ASPRV1: variants seen among roughly 807,000 people sequenced by gnomAD.
The protein encoded by ASPRV1 is retroviral-like aspartic protease 1.
A neutral mutation model predicts 11.0 loss-of-function variants in ASPRV1; 7 were observed. The observed-to-expected ratio is 0.64, with a 90% CI of 0.36 to 1.20. The LOEUF (loss-of-function observed/expected upper bound fraction) is 1.20, where lower values mean the gene tolerates loss of function less well. Ranked by LOEUF, ASPRV1 falls within the 50% of genes most tolerant of loss-of-function variation. ASPRV1 has a pLI of 0.02. For missense variants in ASPRV1, 299 were observed against 320.0 expected (o/e 0.93, Z 0.50); for synonymous variants, 136 against 138.4 (o/e 0.98, Z 0.12).
At chr2:69,953,712 T>C in the ASPRV1 span, among the ~76,000 whole-genome samples, 1 of 152,108 alleles carries the variant, frequency 6.6e-6, no homozygotes, top group African/African-American at 2.4e-5. Context: ...TTTTCTTTTT[T>C]TTCTTTCTTT....
At chr2:69,966,533 C>A (rs572167204), upstream of ASPRV1, among the ~76,000 whole-genome samples, 313 of 152,376 alleles carry the variant, frequency 2.1e-3, 5 homozygotes, top group Admixed American at 8.6e-3. Flanking sequence ...TAACACAGGT[C>A]TCCAGACAGC....
chr2:70,008,730 C>T, the ASPRV1 span, among the ~76,000 whole-genome samples: 1 of 151,816 alleles, frequency 6.6e-6, no homozygotes, highest in South Asian at 2.1e-4. Flanking sequence ...CCAGGGAAGC[C>T]AAAAGACTGG....
Position 69,960,706 on chromosome 2 carries a change from A to G in ASPRV1, c.731T>C (p.Ile244Thr). 1 of 1,614,084 alleles carries G rather than the reference A, an allele frequency of 6.2e-7. No homozygotes were observed. The highest frequency in any genetic ancestry group is 8.5e-7 in the Non-Finnish European group (1 of 1,180,008). ...TTCTTCTGAGGAGGGGTCCTCCTCT[A>G]TGAGCTCCAGGTCAAACTCATCTTC... ...SLEDEFDLEL[I>T]EEDPSSEEGR... The change falls in exon 1 of 1, where the codon ATA (isoleucine) becomes ACA (threonine). Residue 244 changes from isoleucine (I) to threonine (T), a missense_variant. Transcript: ENST00000320256.
At chr2:69,971,637 G>T in the ASPRV1 span, among the ~76,000 whole-genome samples, 2 of 152,206 alleles carry the variant, frequency 1.3e-5, no homozygotes, top group Non-Finnish European at 2.9e-5. Context: ...CAGACAGTGC[G>T]GGGTGCTAAG....
Position 69,961,404 on chromosome 2 carries a change from G to A in ASPRV1, c.33C>T (p.Gly11=). 6.2e-7 allele frequency: 1 copy of A among 1,614,114 alleles called. No individual in the cohort carries two copies. The highest frequency in any genetic ancestry group is 1.1e-5 in the South Asian group (1 of 91,078). The change falls in exon 1 of 1, where the codon GGC becomes GGT. Residue 11 remains glycine, a synonymous_variant. Coordinates refer to ENST00000320256, the MANE Select transcript of ASPRV1 (RefSeq NM_152792.4). ...CCGGGACGAAGGCATGCTGCCGGCG[G>A]CCTTCCTCACTCCTGGCTCCGCTCC... MAGSGARSEE[G]RRQHAFVPEP...
chr2:70,053,186 T>TA, the ASPRV1 span, among the ~76,000 whole-genome samples: 1 of 152,170 alleles, frequency 6.6e-6, no homozygotes. Flanking sequence ...CCAGACATGT[T>TA]AGTTTGATTC....
chr2:70,020,708 C>T, the ASPRV1 span, among the ~76,000 whole-genome samples: 1 of 152,086 alleles, frequency 6.6e-6, no homozygotes, highest in Admixed American at 6.5e-5. Context: ...TGCCATTGCA[C>T]TCCAGCCTGG....
At chr2:70,037,621 A>AT in the ASPRV1 span, among the ~76,000 whole-genome samples, 2 of 148,240 alleles carry the variant, frequency 1.3e-5, no homozygotes, top group African/African-American at 5.1e-5. Flanking sequence ...ACTTTGGCCC[A>AT]TTTTTTTGTG....
At chr2:69,951,072 AC>A in the ASPRV1 span, among the ~76,000 whole-genome samples, 3 of 152,154 alleles carry the variant, frequency 2.0e-5, no homozygotes, top group African/African-American at 7.2e-5. Context: ...GGAAAAATAC[AC>A]CGTGTTTGAC....
the ASPRV1 span, chr2:70,028,304 T>C: frequency 6.6e-6 from 1 of 152,200 alleles, no homozygotes; most frequent in Non-Finnish European, 1.5e-5. Flanking sequence ...TTTCTAGTAT[T>C]ACCCACAATT....
the ASPRV1 span, among the ~76,000 whole-genome samples, chr2:70,032,449 A>C: frequency 6.6e-6 from 1 of 151,862 alleles, no homozygotes; most frequent in South Asian, 2.1e-4. Context: ...TGAGCACCAG[A>C]AGTTCGAGAT....
the ASPRV1 span, among the ~76,000 whole-genome samples, chr2:70,062,926 G>A: frequency 1.3e-5 from 2 of 152,236 alleles, no homozygotes; most frequent in East Asian, 1.9e-4. Flanking sequence ...AGCAGTCTCA[G>A]GGAAATCACT....
chr2:70,023,446 T>C, the ASPRV1 span, among the ~76,000 whole-genome samples: 1 of 152,194 alleles, frequency 6.6e-6, no homozygotes. Flanking sequence ...GGGCACTCTC[T>C]CTCTGCAGTA....
chr2:70,061,156 G>A, the ASPRV1 span, among the ~76,000 whole-genome samples: 1 of 152,054 alleles, frequency 6.6e-6, no homozygotes, highest in Non-Finnish European at 1.5e-5. Flanking sequence ...AGCACTTTGG[G>A]AGGCCGAGGC....
chr2:69,938,062 T>C, the ASPRV1 span: 6 of 1,601,298 alleles, frequency 3.7e-6, no homozygotes, highest in Non-Finnish European at 5.1e-6. Flanking sequence ...GCAGAGCGCT[T>C]TCATCAATGT....
the ASPRV1 span, among the ~76,000 whole-genome samples, chr2:70,074,373 C>G: frequency 6.6e-6 from 1 of 150,848 alleles, no homozygotes; most frequent in African/African-American, 2.4e-5. Context: ...ACTGCAACCT[C>G]TGCCTCCTGG....
At chr2:69,957,925 G>T (rs1677976396), downstream of ASPRV1, among the ~76,000 whole-genome samples, 1 of 152,122 alleles carries the variant, frequency 6.6e-6, no homozygotes, top group Non-Finnish European at 1.5e-5. Context: ...GACTGCCATG[G>T]TGTCCCAGCA....
At chr2:70,029,125 C>A in the ASPRV1 span, among the ~76,000 whole-genome samples, 1 of 152,030 alleles carries the variant, frequency 6.6e-6, no homozygotes, top group African/African-American at 2.4e-5. Flanking sequence ...CATTGTAAGC[C>A]TGCAATTTCT....
chr2:70,063,367 A>G, the ASPRV1 span, among the ~76,000 whole-genome samples: 5 of 152,180 alleles, frequency 3.3e-5, no homozygotes, highest in African/African-American at 7.2e-5. Flanking sequence ...CCTCACTGAC[A>G]GAGTCCCGTA....
Sources: allele counts gnomAD v4.1 joint callset (sites outside exome capture counted in the v4.1 genomes callset), GRCh38; gene constraint gnomAD v4.1.1; transcripts MANE v1.5; gene names NCBI Gene and HGNC (gene_info 2026-07-23, HGNC 2026-07-21).